The following ATRNL1 variants were observed in gnomAD, a reference collection of about 807,000 sequenced individuals.
ATRNL1 encodes attractin-like protein 1.
A neutral mutation model predicts 182.7 loss-of-function variants in ATRNL1; 95 were observed. That is an observed-to-expected ratio of 0.52 (90% CI 0.44 to 0.62). The LOEUF is 0.62. Among genes scored for constraint, ATRNL1 ranks in the 20% least tolerant of loss-of-function variants. The pLI, the probability that ATRNL1 is intolerant of heterozygous loss-of-function variation, is 0.00. For missense variants in ATRNL1, 1,471 were observed against 1,679.5 expected (o/e 0.88, Z 2.17); for synonymous variants, 576 against 568.3 (o/e 1.01, Z -0.19).
In ATRNL1 at chr10:115,596,834, T is replaced by C. The variant is rs368383440; in HGVS notation, c.3795+47298T>C. Among the ~76,000 whole-genome samples the C allele has an allele frequency of 2.6e-4, 40 of 152,274 alleles. 1 individual carries two copies. The South Asian group carries it at 7.9e-3, about 30-fold the overall frequency. ...GAATATTAGTTTAAGAATATTATTATTCATAAATGTGAGACATCAATCTTT... is the reference window on the plus strand; with the variant it reads ...GAATATTAGTTTAAGAATATTATTACTCATAAATGTGAGACATCAATCTTT... On this transcript the variant is annotated intron_variant, in intron 26 of 28. Transcript: ENST00000355044.
chr10:115,509,073 A>G (rs933187212), intron 24 of ATRNL1, among the ~76,000 whole-genome samples: 1 of 152,022 alleles, frequency 6.6e-6, no homozygotes, highest in Non-Finnish European at 1.5e-5. Context: ...TACGGTCCTT[A>G]AGAATTATGC....
intron 15 of ATRNL1, among the ~76,000 whole-genome samples, chr10:115,294,952 C>T (rs1019581613): frequency 2.6e-5 from 4 of 152,062 alleles, no homozygotes; most frequent in Admixed American, 2.0e-4. Flanking sequence ...TCTCAGATTA[C>T]GGGCATGTGA....
At chr10:115,500,331 C>CCTT (rs1844118125) in intron 24 of ATRNL1, among the ~76,000 whole-genome samples, 3 of 152,056 alleles carry the variant, frequency 2.0e-5, no homozygotes, top group Admixed American at 2.0e-4. Context: ...CATTAGTTTG[C>CCTT]AGATTTGTAG....
intron 26 of ATRNL1, among the ~76,000 whole-genome samples, chr10:115,655,930 A>G (rs1443624966): frequency 6.6e-6 from 1 of 152,138 alleles, no homozygotes; most frequent in Non-Finnish European, 1.5e-5. Context: ...CGTGCACTAA[A>G]TAGGAAAATA....
chr10:115,684,173 A>G (rs1352240181), intron 26 of ATRNL1, among the ~76,000 whole-genome samples: 1 of 151,494 alleles, frequency 6.6e-6, no homozygotes, highest in Non-Finnish European at 1.5e-5. Flanking sequence ...ATATTTTTTC[A>G]TTAGCAAGGG....
intron 17 of ATRNL1, among the ~76,000 whole-genome samples, chr10:115,306,495 G>C (rs1292978389): frequency 2.0e-5 from 3 of 151,912 alleles, no homozygotes; most frequent in Non-Finnish European, 4.4e-5. Context: ...GTTTTTCAGT[G>C]ATTGATGTGG....
At chr10:115,572,912 C>T (rs543541417) in intron 26 of ATRNL1, among the ~76,000 whole-genome samples, 45 of 152,120 alleles carry the variant, frequency 3.0e-4, no homozygotes, top group Admixed American at 1.5e-3. Context: ...AGCATGCAGA[C>T]GGGCAGATGC....
intron 8 of ATRNL1, among the ~76,000 whole-genome samples, chr10:115,188,736 C>CAT (rs869246047): frequency 0.51 from 77,060 of 151,520 alleles, 21,893 homozygotes; most frequent in African/African-American, 0.76. Flanking sequence ...CTTAATATCA[C>CAT]GTTTTTAAAA....
intron 21 of ATRNL1, among the ~76,000 whole-genome samples, chr10:115,443,974 A>G (rs1433734383): frequency 3.9e-5 from 6 of 152,160 alleles, no homozygotes; most frequent in Non-Finnish European, 8.8e-5. Context: ...TGATTAAACT[A>G]CAATAAAAAA....
chr10:115,539,769 A>G (rs1288266876), intron 25 of ATRNL1, among the ~76,000 whole-genome samples: 1 of 151,974 alleles, frequency 6.6e-6, no homozygotes, highest in Admixed American at 6.6e-5. Flanking sequence ...TCCCAAGGGA[A>G]GGGAATATTC....
At chr10:115,162,301 A>G (rs1419564646) in intron 6 of ATRNL1, among the ~76,000 whole-genome samples, 1 of 152,092 alleles carries the variant, frequency 6.6e-6, no homozygotes, top group African/African-American at 2.4e-5. Flanking sequence ...TATAAATGTA[A>G]TAGTTAAGGT....
chr10:115,663,256 A>G (rs1860803514), intron 26 of ATRNL1, among the ~76,000 whole-genome samples: 1 of 152,108 alleles, frequency 6.6e-6, no homozygotes, highest in Non-Finnish European at 1.5e-5. Flanking sequence ...GCTAGTAACT[A>G]GGCAAAACAT....
intron 20 of ATRNL1, among the ~76,000 whole-genome samples, chr10:115,402,149 C>G (rs782202997): frequency 6.6e-6 from 1 of 152,018 alleles, no homozygotes; most frequent in Non-Finnish European, 1.5e-5. Context: ...ATGATAGTTG[C>G]AGTTGTAGAA....
At chr10:115,113,430 T>G (rs1342618744) in intron 1 of ATRNL1, among the ~76,000 whole-genome samples, 1 of 152,198 alleles carries the variant, frequency 6.6e-6, no homozygotes, top group Non-Finnish European at 1.5e-5. Context: ...TGTTTCCTAA[T>G]TGATATGGTT....
intron 14 of ATRNL1, among the ~76,000 whole-genome samples, chr10:115,283,605 G>A (rs1852474121): frequency 6.6e-6 from 1 of 152,194 alleles, no homozygotes; most frequent in Non-Finnish European, 1.5e-5. Context: ...CTAAGAAGTT[G>A]AAAGTGGTAT....
intron 27 of ATRNL1, among the ~76,000 whole-genome samples, chr10:115,728,179 C>T (rs1593132592): frequency 6.8e-6 from 1 of 147,476 alleles, no homozygotes; most frequent in Admixed American, 6.8e-5. Flanking sequence ...CCTGTGGTCC[C>T]AGCTGCTCAG....
intron 15 of ATRNL1, among the ~76,000 whole-genome samples, chr10:115,292,583 G>C (rs1554921237): frequency 1.3e-5 from 2 of 151,866 alleles, no homozygotes; most frequent in Non-Finnish European, 2.9e-5. Flanking sequence ...GCAGTCTCAA[G>C]TAATTTTTAA....
At chr10:115,713,746 A>G (rs1243978680) in intron 26 of ATRNL1, among the ~76,000 whole-genome samples, 1 of 151,560 alleles carries the variant, frequency 6.6e-6, no homozygotes, top group Non-Finnish European at 1.5e-5. Context: ...CTATCTATCT[A>G]TCTATAGTCT....
intron 5 of ATRNL1, among the ~76,000 whole-genome samples, chr10:115,153,761 C>G (rs1554881320): frequency 1.3e-5 from 2 of 152,090 alleles, no homozygotes; most frequent in Non-Finnish European, 2.9e-5. Flanking sequence ...CTTCTGCTAG[C>G]TTTTGAATGT....
Sources: gnomAD v4.1 joint callset for allele counts (sites outside exome capture counted in the v4.1 genomes callset) on GRCh38, gnomAD v4.1.1 for gene constraint, MANE v1.5 for transcripts, NCBI Gene and HGNC (gene_info 2026-07-23, HGNC 2026-07-21) for gene names.